Variants in SREBF2 observed in about 807,000 individuals in gnomAD.
SREBF2 encodes sterol regulatory element binding transcription factor 2, also known as sterol regulatory element-binding protein 2.
Under a neutral mutation model 113.1 loss-of-function variants are expected in SREBF2, and 55 were observed. The ratio of observed to expected loss-of-function variants is 0.49; its 90% CI spans 0.39 to 0.61. SREBF2 has a LOEUF of 0.61. SREBF2 is among the 20% of genes least tolerant of loss of function. The pLI is 0.00. For missense variants in SREBF2, 1,349 were observed against 1,487.4 expected (o/e 0.91, Z 1.53); for synonymous variants, 593 against 605.7 (o/e 0.98, Z 0.31).
intron 1 of SREBF2, among the ~76,000 whole-genome samples, chr22:41,856,705 G>A (rs2042419285): frequency 6.6e-6 from 1 of 152,184 alleles, no homozygotes; most frequent in African/African-American, 2.4e-5. Context: ...ATGAACTAAA[G>A]TGGGTGGGAA....
At chr22:41,844,065 C>CACACACACACAT (rs369136150) in intron 1 of SREBF2, among the ~76,000 whole-genome samples, 4,662 of 145,704 alleles carry the variant, frequency 0.032, 116 homozygotes, top group African/African-American at 0.051. Context: ...CACACACACA[C>CACACACACACAT]GTATATGTAT....
Position 41,902,965 on chromosome 22 carries a change from C to A in SREBF2, c.2908-5C>A. The A allele has an allele frequency of 6.2e-7, 1 of 1,608,776 alleles. No individual in the cohort carries two copies. The highest frequency in any genetic ancestry group is 2.2e-5 in the East Asian group (1 of 44,728). Reference sequence around the variant, plus strand: ...GTCTCCCCTCTCTCGTGGCTGACCCCACAGGTGGTCCAGCTGCTCACCTGT... The same window carrying A: ...GTCTCCCCTCTCTCGTGGCTGACCCAACAGGTGGTCCAGCTGCTCACCTGT... On this transcript the variant is annotated splice_polypyrimidine_tract_variant and splice_region_variant and intron_variant, in intron 16 of 18. Coordinates refer to ENST00000361204, the MANE Select transcript of SREBF2 (RefSeq NM_004599.4).
chr22:41,877,273 A>G lies in SREBF2; in HGVS notation c.1431A>G (p.Val477=), dbSNP rs1191793652. 8 of 1,614,092 alleles carry G rather than the reference A, an allele frequency of 5.0e-6. No homozygotes were observed. Among genetic ancestry groups the G allele is most frequent in the South Asian group, 1.1e-5 (1 of 91,090 alleles). The change falls in exon 8 of 19, where the codon GTA becomes GTG. Residue 477 remains valine (V), a synonymous_variant. Coordinates refer to ENST00000361204, the MANE Select transcript of SREBF2 (RefSeq NM_004599.4). ...PDSPPVALGM[V]DRSRILLCVL... ...CTCCTCCTGTGGCGCTGGGCATGGT[A>G]GACCGCTCACGGATTCTTCTGTGTG...
At chr22:41,899,060 C>T in intron 15 of SREBF2, 2 of 611,676 alleles carry the variant, frequency 3.3e-6, no homozygotes, top group Non-Finnish European at 2.6e-6. Flanking sequence ...CATGGCGCCA[C>T]AGGCTGAAAA....
chr22:41,905,400 T>C, intron 18 of SREBF2, 40 bp from the exon 19 acceptor site: 1 of 1,531,230 alleles, frequency 6.5e-7, no homozygotes, highest in African/African-American at 1.4e-5. Context: ...ACCAACTTCA[T>C]GGTAGATTCT....
At chr22:41,884,771 G>T in intron 10 of SREBF2, 71 bp from the exon 11 acceptor site, 1 of 1,539,642 alleles carries the variant, frequency 6.5e-7, no homozygotes, top group Non-Finnish European at 9.0e-7. Flanking sequence ...CTTTGATCGT[G>T]CTGGAGAGAG....
intron 1 of SREBF2, among the ~76,000 whole-genome samples, chr22:41,864,261 T>TATATACACACAC (rs1204150898): frequency 4.1e-3 from 209 of 50,898 alleles, no homozygotes; most frequent in Non-Finnish European, 5.5e-3. Flanking sequence ...TATATATATA[T>TATATACACACAC]ACACACACAC....
chr22:41,849,180 A>ATTATTTAT (rs561210014), intron 1 of SREBF2, among the ~76,000 whole-genome samples: 13 of 151,826 alleles, frequency 8.6e-5, no homozygotes, highest in African/African-American at 2.9e-4. Flanking sequence ...TGGCAGATTT[A>ATTATTTAT]TTATTTATTT....
rs539520424 is a variant in SREBF2, at chr22:41,862,685, C to G, written c.89-4146C>G. On this transcript the variant is annotated intron_variant, in intron 1 of 18. Transcript: ENST00000361204. ...TGTAGCTCACAGTTACAAAGCACAA[C>G]TACACCCTGGTTCTCCAGGCCTCCT... Among the ~76,000 whole-genome samples the G allele has an allele frequency of 2.0e-5, 3 of 152,338 alleles. No homozygotes were observed. The East Asian group carries it at 5.8e-4, about 29-fold the overall frequency.
chr22:41,884,980 C>T lies in SREBF2; in HGVS notation c.2177C>T (p.Thr726Ile), dbSNP rs746820748. 2 of 1,614,170 alleles carry T rather than the reference C, an allele frequency of 1.2e-6. No individual in the cohort carries two copies. Among genetic ancestry groups the T allele is most frequent in the Admixed American group, 1.7e-5 (1 of 60,022 alleles). ...IHLTAAMGLK[T>I]RCGGKLGFLA... ...CTGACTGCTGCCATGGGGCTCAAGACCCGGTGTGGAGGCAAGCTGGGCTTC... is the reference window on the plus strand; with the variant it reads ...CTGACTGCTGCCATGGGGCTCAAGATCCGGTGTGGAGGCAAGCTGGGCTTC... The change falls in exon 11 of 19, where the codon ACC (threonine) becomes ATC (isoleucine). Residue 726 changes from threonine to isoleucine, a missense_variant. Coordinates refer to ENST00000361204, the MANE Select transcript of SREBF2 (RefSeq NM_004599.4).
intron 8 of SREBF2, 30 bp from the exon 9 acceptor site, chr22:41,877,912 A>G (rs773401371): frequency 1.5e-5 from 25 of 1,613,868 alleles, no homozygotes; most frequent in Non-Finnish European, 1.9e-5. Flanking sequence ...GGCCTTTCCT[A>G]GCAGACTCTG....
intron 1 of SREBF2, among the ~76,000 whole-genome samples, chr22:41,854,265 G>A (rs1045661883): frequency 2.0e-5 from 3 of 151,426 alleles, no homozygotes; most frequent in African/African-American, 4.8e-5. Context: ...CCAGGTTCAA[G>A]TGATAACTGC....
intron 1 of SREBF2, among the ~76,000 whole-genome samples, chr22:41,859,863 T>TGCA (rs2148366143): frequency 7.7e-6 from 1 of 129,684 alleles, no homozygotes; most frequent in South Asian, 2.6e-4. Flanking sequence ...CAGGCTGGAG[T>TGCA]GCAGTGGCGC....
At chr22:41,893,401 C>CATTT in intron 12 of SREBF2, 116 bp downstream of exon 12, 1 of 1,131,930 alleles carries the variant, frequency 8.8e-7, no homozygotes. Flanking sequence ...TTGTTGAGTC[C>CATTT]GTTTGTTTGT....
Position 41,878,012 on chromosome 22 carries a change from G to C in SREBF2, c.1650G>C (p.Leu550=). Residue 550 remains leucine, a synonymous_variant, in exon 9 of 19, where the codon CTG becomes CTC. Coordinates refer to ENST00000361204, the MANE Select transcript of SREBF2 (RefSeq NM_004599.4). ...LLWLVNGVIV[L]SVFVKLLVHG... ...GGCTGGTAAATGGTGTGATTGTCCT[G>C]AGCGTCTTTGTGAAGCTGCTGGTTC... 6.2e-7 allele frequency: 1 copy of C among 1,614,110 alleles called. No homozygotes were observed. The highest frequency in any genetic ancestry group is 1.3e-5 in the African/African-American group (1 of 75,002).
rs1185741419 is a variant in SREBF2, at chr22:41,893,159, C to T, written c.2251C>T (p.His751Tyr). The change falls in exon 12 of 19, where the codon CAC (histidine) becomes TAC (tyrosine). Residue 751 changes from histidine to tyrosine, a missense_variant. Coordinates refer to ENST00000361204, the MANE Select transcript of SREBF2 (RefSeq NM_004599.4). The part of the protein sequence containing the change: ...SRAQSLCGPE[H>Y]SAVPDSLRWL... ...AGCCCAGAGCCTGTGTGGCCCCGAG[C>T]ACAGTGCTGTTCCTGACTCCCTGCG... is the stretch of plus-strand genomic sequence containing the variant. 2 of 1,614,024 alleles carry T rather than the reference C, an allele frequency of 1.2e-6. No individual in the cohort carries two copies. The highest frequency in any genetic ancestry group is 2.7e-5 in the African/African-American group (2 of 74,934).
intron 1 of SREBF2, among the ~76,000 whole-genome samples, chr22:41,834,145 A>G (rs1263241158): frequency 6.6e-6 from 1 of 152,116 alleles, no homozygotes; most frequent in Non-Finnish European, 1.5e-5. Flanking sequence ...GGGAACAACG[A>G]TTTGGAGAGG....
intron 1 of SREBF2, among the ~76,000 whole-genome samples, chr22:41,850,849 T>G (rs2076921790): frequency 6.6e-6 from 1 of 152,190 alleles, no homozygotes; most frequent in Non-Finnish European, 1.5e-5. Context: ...CAAGTGATTC[T>G]CCTGCCTCAG....
intron 13 of SREBF2, among the ~76,000 whole-genome samples, chr22:41,896,305 A>T (rs1039021594): frequency 1.4e-4 from 21 of 151,974 alleles, no homozygotes; most frequent in African/African-American, 5.1e-4. Context: ...ACAGAGTAAG[A>T]CCTGAGAGGC....
Sources: allele counts gnomAD v4.1 joint callset (sites outside exome capture counted in the v4.1 genomes callset), GRCh38; gene constraint gnomAD v4.1.1; transcripts MANE v1.5; gene names NCBI Gene and HGNC (gene_info 2026-07-23, HGNC 2026-07-21).